Variants in GLT8D2 observed in about 807,000 individuals in gnomAD.
GLT8D2 encodes the protein glycosyltransferase 8 domain-containing protein 2.
A neutral mutation model predicts 44.5 loss-of-function variants in GLT8D2; 45 were observed. The observed-to-expected ratio is 1.01, with a 90% CI of 0.80 to 1.30. The LOEUF (loss-of-function observed/expected upper bound fraction) is 1.30, where lower values mean the gene tolerates loss of function less well. Ranked by LOEUF, GLT8D2 falls within the 50% of genes most tolerant of loss-of-function variation. GLT8D2 has a pLI of 0.00. For synonymous variants in GLT8D2, 156 were observed against 157.2 expected, an observed-to-expected ratio of 0.99 and a Z score of 0.06; for missense variants, 400 against 430.4, an observed-to-expected ratio of 0.93 and a Z score of 0.62.
At chr12:104,063,006 G>GGGTTTTA (rs1473873737) in intron 1 of GLT8D2, among the ~76,000 whole-genome samples, 3 of 151,994 alleles carry the variant, frequency 2.0e-5, no homozygotes, top group Admixed American at 6.6e-5. Flanking sequence ...GATCTAAATT[G>GGGTTTTA]TGTACTCCCT....
chr12:104,047,330 G>C (rs1293269785), intron 1 of GLT8D2, among the ~76,000 whole-genome samples: 1 of 145,744 alleles, frequency 6.9e-6, no homozygotes, highest in African/African-American at 2.6e-5. Flanking sequence ...TTGAGATGGA[G>C]TTTCGCTCTC....
At chr12:103,999,602 C>T (rs551241103) in intron 5 of GLT8D2, 88 bp from the exon 6 acceptor site, 3 of 759,022 alleles carry the variant, frequency 4.0e-6, no homozygotes, top group African/African-American at 3.5e-5. Context: ...TGTTGCCTCC[C>T]TAGAAAGTTA....
At chr12:104,057,723 T>A (rs1413513214) in intron 1 of GLT8D2, among the ~76,000 whole-genome samples, 1 of 152,148 alleles carries the variant, frequency 6.6e-6, no homozygotes, top group East Asian at 1.9e-4. Flanking sequence ...CTTTGAAGGG[T>A]GTTGGCTTGC....
chr12:104,000,878 A>G (rs1360557250), intron 5 of GLT8D2, among the ~76,000 whole-genome samples: 1 of 152,242 alleles, frequency 6.6e-6, no homozygotes, highest in Non-Finnish European at 1.5e-5. Flanking sequence ...ACACCTTTAC[A>G]GATCTCAGTA....
At chr12:104,023,116 T>C (rs1410802389) in intron 1 of GLT8D2, among the ~76,000 whole-genome samples, 5 of 152,220 alleles carry the variant, frequency 3.3e-5, no homozygotes, top group African/African-American at 1.2e-4. Flanking sequence ...AGTTTCTTTC[T>C]TGATGTTCTT....
At chr12:104,012,800 G>C (rs1295598562) in intron 4 of GLT8D2, 3 of 698,596 alleles carry the variant, frequency 4.3e-6, no homozygotes, top group Non-Finnish European at 7.8e-6. Context: ...CCATTTGGTA[G>C]GCCTTATCCC....
chr12:104,012,386 A>G (rs545289659), intron 4 of GLT8D2, among the ~76,000 whole-genome samples: 17 of 152,262 alleles, frequency 1.1e-4, no homozygotes, highest in African/African-American at 3.9e-4. Context: ...ATGGATAAAC[A>G]TGTGATAATG....
intron 1 of GLT8D2, among the ~76,000 whole-genome samples, chr12:104,024,025 G>T (rs906463153): frequency 3.3e-5 from 5 of 152,122 alleles, no homozygotes; most frequent in African/African-American, 1.2e-4. Flanking sequence ...TGAATAGAGG[G>T]TAACTACCTA....
chr12:104,026,670 T>C (rs1878617950), intron 1 of GLT8D2, among the ~76,000 whole-genome samples: 1 of 152,208 alleles, frequency 6.6e-6, no homozygotes, highest in African/African-American at 2.4e-5. Context: ...TTCATTTTAC[T>C]GTAAAATCTA....
rs2136249806 is a variant in GLT8D2 at position 103,989,338 on chromosome 12, A to G, written c.*70T>C. 7.7e-7 allele frequency: 1 copy of G among 1,304,470 alleles called. No individual in the cohort carries two copies. Among genetic ancestry groups the G allele is most frequent in the East Asian group, 2.3e-5 (1 of 42,732 alleles). The allele number at this position is 1,304,470 out of a possible 1,614,324, so 80.8% of individuals were successfully genotyped here. On this transcript the variant is annotated 3_prime_UTR_variant, in exon 11 of 11. Coordinates refer to ENST00000360814, the MANE Select transcript of GLT8D2 (RefSeq NM_001384711.1). ...TCAAAGGTAATATTCATAAAGAACA[A>G]TGTTATAGTTGGCTACAAAGGGACA...
At chr12:104,043,229 C>G (rs914549945) in intron 1 of GLT8D2, among the ~76,000 whole-genome samples, 1 of 152,120 alleles carries the variant, frequency 6.6e-6, no homozygotes, top group East Asian at 1.9e-4. Context: ...TCTTCTTTCT[C>G]TAAACTCCCT....
intron 9 of GLT8D2, chr12:103,993,770 A>G: frequency 6.0e-6 from 2 of 335,800 alleles, no homozygotes; most frequent in Non-Finnish European, 1.1e-5. Context: ...TAGTAGACAC[A>G]GGAGATCAAA....
At chr12:104,014,290 G>A in intron 4 of GLT8D2, 1 of 700,908 alleles carries the variant, frequency 1.4e-6, no homozygotes, top group South Asian at 1.5e-5. Flanking sequence ...TGGAGGTCGA[G>A]GCTGCAGGGA....
At chr12:104,008,776 G>T (rs756535423) in intron 4 of GLT8D2, among the ~76,000 whole-genome samples, 2 of 152,224 alleles carry the variant, frequency 1.3e-5, no homozygotes, top group Non-Finnish European at 2.9e-5. Flanking sequence ...CTAGGGACGT[G>T]GTGCCCTGTG....
chr12:103,991,332 G>A (rs1342742610), intron 10 of GLT8D2, among the ~76,000 whole-genome samples: 2 of 152,120 alleles, frequency 1.3e-5, no homozygotes. Flanking sequence ...GATTACAGGT[G>A]TGTGCCACCA....
At position 103,996,798 on chromosome 12, in the gene GLT8D2, C is replaced by T. The variant is rs894846877; in HGVS notation, c.537G>A (p.Ala179=). 9.9e-6 allele frequency: 16 copies of T among 1,614,002 alleles called. No individual in the cohort carries two copies. The highest frequency in any genetic ancestry group is 3.3e-5 in the Admixed American group (2 of 59,998). ...GCAAATCGCAGTCATCTGAGAAAGC[C>T]GCCGCGTGGCCCAGGGCCAAGGTGG... ...YDTTLALGHA[A]AFSDDCDLPS... Residue 179 remains alanine, a synonymous_variant, in exon 8 of 11, where the codon GCG becomes GCA. Transcript: ENST00000360814.
Position 104,057,435 on chromosome 12 carries a change from C to T in GLT8D2, c.-423+6514G>A, listed in dbSNP as rs534509332. Among the ~76,000 whole-genome samples the T allele has an allele frequency of 3.9e-5, 6 of 151,930 alleles. No individual in the cohort carries two copies. In the South Asian group the frequency reaches 1.0e-3, roughly 26 times the overall value. ...ACTCAGAAGGCTGAGGTGGGAGGAT[C>T]GCTTTAGCCTGGGAGGTCAAGGTTG... On this transcript the variant is annotated intron_variant, in intron 1 of 10. Transcript: ENST00000548660.
At chr12:104,031,637 C>G (rs1177739704) in intron 1 of GLT8D2, 10 of 1,223,146 alleles carry the variant, frequency 8.2e-6, no homozygotes, top group Non-Finnish European at 1.2e-5. Flanking sequence ...CTGACCACAT[C>G]TGTAGACATC....
At chr12:104,020,995 C>T (rs1303934202) in intron 2 of GLT8D2, among the ~76,000 whole-genome samples, 2 of 152,208 alleles carry the variant, frequency 1.3e-5, no homozygotes, top group African/African-American at 2.4e-5. Context: ...TGTTAAAGCC[C>T]TAAAGCACTG....
Sources: allele counts gnomAD v4.1 joint callset (sites outside exome capture counted in the v4.1 genomes callset), GRCh38; gene constraint gnomAD v4.1.1; transcripts MANE v1.5; gene names NCBI Gene and HGNC (gene_info 2026-07-23, HGNC 2026-07-21).